The following TRIM33 variants were observed in gnomAD, a reference collection of about 807,000 sequenced individuals.
TRIM33 encodes E3 ubiquitin-protein ligase TRIM33.
In TRIM33, 20 loss-of-function variants were observed where a neutral mutation model predicts 125.4. The observed-to-expected ratio is 0.16, with a 90% confidence interval of 0.11 to 0.23. The LOEUF (loss-of-function observed/expected upper bound fraction) is 0.23, where lower values mean the gene tolerates loss of function less well. TRIM33 is among the 10% of genes least tolerant of loss of function. The pLI, the probability that TRIM33 is intolerant of heterozygous loss-of-function variation, is 1.00. For synonymous variants in TRIM33, 564 were observed against 513.9 expected, an observed-to-expected ratio of 1.10 and a Z score of -1.32; for missense variants, 920 against 1,411.4, an observed-to-expected ratio of 0.65 and a Z score of 5.58.
chr1:114,458,427 C>T (rs1649751077), intron 4 of TRIM33, among the ~76,000 whole-genome samples: 1 of 152,158 alleles, frequency 6.6e-6, no homozygotes, highest in East Asian at 1.9e-4. Context: ...ACCACCCAGG[C>T]TGGTGATCCA....
rs1184169182 is a variant in TRIM33 at position 114,511,026 on chromosome 1, G to A, written c.51C>T (p.Ser17=). The A allele has an allele frequency of 5.3e-6, 7 of 1,319,146 alleles. No homozygotes were observed. In the South Asian group the frequency reaches 7.4e-5, roughly 14 times the overall value. 81.7% of individuals were successfully genotyped at this position (1,319,146 alleles called of 1,614,324 possible). Residue 17 remains serine, a synonymous_variant, in exon 1 of 20, where the codon AGC becomes AGT. Coordinates refer to ENST00000358465, the MANE Select transcript of TRIM33 (RefSeq NM_015906.4). ...CCCCGGCAGTTACCGGCGCGCTGCC[G>A]CTGCCCCCGCCGCCGCTCTCAGCCT... ...GGEAESGGGG[S]GSAPVTAGAA...
rs1379999664 is a variant in TRIM33, at chr1:114,444,521, T to C, written c.924-10788A>G. Among the ~76,000 whole-genome samples the C allele has an allele frequency of 2.6e-5, 4 of 152,180 alleles. 1 individual carries two copies. In the East Asian group the frequency reaches 7.7e-4, roughly 29 times the overall value. On this transcript the variant is annotated intron_variant, in intron 4 of 19. Coordinates refer to ENST00000358465, the MANE Select transcript of TRIM33 (RefSeq NM_015906.4). ...CCTGGAGTAAGCTGTACCTTAGGCC[T>C]GTCCTAACAAAACCTAAATAAAACC...
rs1400765517 is a variant in TRIM33, at chr1:114,421,601, T to C, written c.1896A>G (p.Val632=). The C allele has an allele frequency of 1.1e-5, 17 of 1,614,014 alleles. No individual in the cohort carries two copies. The Admixed American group carries it at 1.5e-4, about 14-fold the overall frequency. The change falls in exon 11 of 20, where the codon GTA becomes GTG. Residue 632 remains valine (V), a synonymous_variant. Transcript: ENST00000358465. ...SNPGHAGPFP[V]VSVHNTTINP... is the part of the protein sequence containing the mutation. ...TGATTGTGGTGTTGTGTACCGATAC[T>C]ACGGGAAAGGGTCCAGCATGCCCTG...
intron 5 of TRIM33, among the ~76,000 whole-genome samples, chr1:114,432,128 T>C (rs1647992410): frequency 6.6e-6 from 1 of 152,236 alleles, no homozygotes; most frequent in Non-Finnish European, 1.5e-5. Context: ...AAAAACTTTC[T>C]ACAGATGAAA....
chr1:114,399,702 AATT>A, intron 17 of TRIM33, 93 bp from the exon 18 acceptor site: 1 of 1,137,936 alleles, frequency 8.8e-7, no homozygotes, highest in Non-Finnish European at 1.2e-6. Flanking sequence ...TAGGGAAAAA[AATT>A]ATTATAGAGC....
Position 114,510,780 on chromosome 1 carries a change from T to TGGAGCC in TRIM33, c.291_296dup (p.Pro101_Ala102dup). 1 of 1,521,238 alleles carries TGGAGCC rather than the reference T, an allele frequency of 6.6e-7. No individual in the cohort carries two copies. Among genetic ancestry groups the TGGAGCC allele is most frequent in the South Asian group, 1.2e-5 (1 of 82,260 alleles). 94.2% of individuals were successfully genotyped at this position (1,521,238 alleles called of 1,614,324 possible). A position where few individuals can be genotyped will look rare whatever the true frequency, so the allele number is the denominator to read the frequency against. On this transcript the variant is annotated inframe_insertion, in exon 1 of 20. Transcript: ENST00000358465. ...CCGGAGCGGGAGCCGAGGCTGGAGC[T>TGGAGCC]GGAGCCGGCGTCGATACTGCGCCCC...
intron 4 of TRIM33, among the ~76,000 whole-genome samples, chr1:114,459,723 G>A (rs1649841755): frequency 6.6e-6 from 1 of 152,138 alleles, no homozygotes; most frequent in Admixed American, 6.5e-5. Flanking sequence ...GAGCAACAGA[G>A]TGAGATCCCG....
rs555838429 is a variant in TRIM33 at position 114,414,478 on chromosome 1, G to C, written c.2062-4162C>G. On this transcript the variant is annotated intron_variant, in intron 11 of 19. Coordinates refer to ENST00000358465, the MANE Select transcript of TRIM33 (RefSeq NM_015906.4). ...AGTGCCCAGTTCCTTCAGACCTTGT[G>C]GGATTTGAAATTCTGCCCTTTTTCC... Among the ~76,000 whole-genome samples the C allele has an allele frequency of 3.9e-5, 6 of 152,156 alleles. No individual in the cohort carries two copies. The South Asian group carries it at 1.2e-3, about 32-fold the overall frequency.
intron 13 of TRIM33, 84 bp downstream of exon 13, chr1:114,408,593 G>C (rs1652392703): frequency 2.3e-6 from 2 of 851,748 alleles, no homozygotes; most frequent in Non-Finnish European, 3.8e-6. Flanking sequence ...GTATAAAGGG[G>C]TTCACTGTAA....
chr1:114,495,628 C>T (rs1275369087), intron 1 of TRIM33, among the ~76,000 whole-genome samples: 1 of 152,098 alleles, frequency 6.6e-6, no homozygotes, highest in Non-Finnish European at 1.5e-5. Flanking sequence ...TTCTTTCCTG[C>T]CATTATTAAT....
Position 114,405,690 on chromosome 1 carries a change from C to T in TRIM33, c.2488G>A (p.Ala830Thr). The change falls in exon 15 of 20, where the codon GCA becomes ACA. Residue 830 changes from alanine to threonine, a missense_variant. Coordinates refer to ENST00000358465, the MANE Select transcript of TRIM33 (RefSeq NM_015906.4). Reference protein sequence around the residue: ...TNLHLESELDALASLENHVKI... With the variant: ...TNLHLESELDTLASLENHVKI... Reference sequence around the variant, plus strand: ...ACATGGTTTTCCAGGCTTGCCAATGCATCCAATTCACTTTCTAGATGCAGG... The same window carrying T: ...ACATGGTTTTCCAGGCTTGCCAATGTATCCAATTCACTTTCTAGATGCAGG... 6.2e-7 allele frequency: 1 copy of T among 1,614,206 alleles called. No individual in the cohort carries two copies. Among genetic ancestry groups the T allele is most frequent in the Non-Finnish European group, 8.5e-7 (1 of 1,180,020 alleles).
At chr1:114,508,941 G>A (rs1187549686) in intron 1 of TRIM33, among the ~76,000 whole-genome samples, 1 of 152,166 alleles carries the variant, frequency 6.6e-6, no homozygotes, top group Non-Finnish European at 1.5e-5. Flanking sequence ...TCGTAAGTAG[G>A]AGATGGCAAA....
At chr1:114,500,829 A>G (rs1276279941) in intron 1 of TRIM33, among the ~76,000 whole-genome samples, 2 of 152,202 alleles carry the variant, frequency 1.3e-5, no homozygotes, top group Non-Finnish European at 2.9e-5. Flanking sequence ...ATCTATTGCT[A>G]TGTAACAAAT....
At chr1:114,480,476 T>TAA (rs61241613) in intron 1 of TRIM33, among the ~76,000 whole-genome samples, 6 of 77,868 alleles carry the variant, frequency 7.7e-5, no homozygotes, top group African/African-American at 2.2e-4. Flanking sequence ...ATGATCAATT[T>TAA]AAAAAAAAAA....
chr1:114,423,301 A>C (rs1647326067), intron 10 of TRIM33, among the ~76,000 whole-genome samples: 1 of 152,168 alleles, frequency 6.6e-6, no homozygotes, highest in Non-Finnish European at 1.5e-5. Context: ...AGGCTAATCT[A>C]TATCTATCAA....
chr1:114,435,867 T>C (rs945129956), intron 4 of TRIM33, among the ~76,000 whole-genome samples: 15 of 141,144 alleles, frequency 1.1e-4, no homozygotes, highest in African/African-American at 2.5e-4. Context: ...GCTGGGACTA[T>C]AGACACCCGC....
intron 4 of TRIM33, among the ~76,000 whole-genome samples, chr1:114,443,472 A>G (rs1648786421): frequency 6.6e-6 from 1 of 152,174 alleles, no homozygotes; most frequent in African/African-American, 2.4e-5. Context: ...CCTGGACTCA[A>G]GCGATCCACC....
chr1:114,501,325 A>C (rs1238858499), intron 1 of TRIM33, among the ~76,000 whole-genome samples: 1 of 151,932 alleles, frequency 6.6e-6, no homozygotes, highest in Non-Finnish European at 1.5e-5. Context: ...TAGGATAGAG[A>C]ATCTACCTCA....
intron 1 of TRIM33, among the ~76,000 whole-genome samples, chr1:114,489,498 C>G (rs1651918630): frequency 6.6e-6 from 1 of 152,162 alleles, no homozygotes; most frequent in South Asian, 2.1e-4. Context: ...AATCCAAGCA[C>G]TTTACGGGGC....
Sources: allele counts gnomAD v4.1 joint callset (sites outside exome capture counted in the v4.1 genomes callset), GRCh38; gene constraint gnomAD v4.1.1; transcripts MANE v1.5; gene names NCBI Gene and HGNC (gene_info 2026-07-23, HGNC 2026-07-21).